The following SYNPO2 variants were observed in gnomAD, a reference collection of about 807,000 sequenced individuals.
SYNPO2 encodes the protein synaptopodin-2.
Under a neutral mutation model 85.0 loss-of-function variants are expected in SYNPO2, and 56 were observed. That is an observed-to-expected ratio of 0.66 (90% CI 0.53 to 0.82). SYNPO2 has a LOEUF of 0.82. Ranked by LOEUF, SYNPO2 falls within the 40% of genes least tolerant of loss-of-function variation. SYNPO2 has a pLI of 0.00. For synonymous variants in SYNPO2, 602 were observed against 591.1 expected, an observed-to-expected ratio of 1.02 and a Z score of -0.27; for missense variants, 1,575 against 1,534.2, an observed-to-expected ratio of 1.03 and a Z score of -0.44.
chr4:118,949,489 C>T (rs1222346073), intron 1 of SYNPO2, among the ~76,000 whole-genome samples: 1 of 151,942 alleles, frequency 6.6e-6, no homozygotes, highest in Non-Finnish European at 1.5e-5. Context: ...CTCCTATAAT[C>T]CCAGCAATTT....
intron 1 of SYNPO2, among the ~76,000 whole-genome samples, chr4:118,872,406 C>CA (rs1318797116): frequency 2.6e-5 from 4 of 151,816 alleles, no homozygotes; most frequent in African/African-American, 7.3e-5. Flanking sequence ...CCTATGACAA[C>CA]AAAAAAAGTA....
intron 1 of SYNPO2, among the ~76,000 whole-genome samples, chr4:118,978,837 C>T (rs1369664110): frequency 6.7e-6 from 1 of 149,174 alleles, no homozygotes; most frequent in Non-Finnish European, 1.5e-5. Flanking sequence ...ACACACTTAG[C>T]CCATTTGTTG....
intron 1 of SYNPO2, among the ~76,000 whole-genome samples, chr4:118,925,040 T>C (rs1733666733): frequency 6.6e-6 from 1 of 152,176 alleles, no homozygotes; most frequent in Non-Finnish European, 1.5e-5. Context: ...CTTGTTTTCC[T>C]TGCATGGGAT....
chr4:118,870,071 A>C (rs1731776013), intron 1 of SYNPO2, among the ~76,000 whole-genome samples: 3 of 152,232 alleles, frequency 2.0e-5, no homozygotes, highest in Non-Finnish European at 4.4e-5. Flanking sequence ...AGCCTGCTAC[A>C]GAGTTGGGAG....
chr4:118,956,483 T>G (rs1328070213), intron 1 of SYNPO2, among the ~76,000 whole-genome samples: 1 of 152,246 alleles, frequency 6.6e-6, no homozygotes. Flanking sequence ...TAGACTTAAC[T>G]TTTTTAACTG....
intron 1 of SYNPO2, among the ~76,000 whole-genome samples, chr4:118,864,227 A>G (rs1474142467): frequency 6.6e-6 from 1 of 152,130 alleles, no homozygotes; most frequent in Non-Finnish European, 1.5e-5. Context: ...ATTTTTCAGG[A>G]GAGCATTGTT....
intron 1 of SYNPO2, among the ~76,000 whole-genome samples, chr4:118,870,973 G>A (rs1343224388): frequency 2.0e-5 from 3 of 152,142 alleles, no homozygotes; most frequent in Admixed American, 6.5e-5. Flanking sequence ...GAATATCAAG[G>A]TTCAGAAAGA....
intron 1 of SYNPO2, among the ~76,000 whole-genome samples, chr4:118,995,077 A>G (rs1425861138): frequency 6.6e-6 from 1 of 152,192 alleles, no homozygotes; most frequent in Non-Finnish European, 1.5e-5. Flanking sequence ...AGCAAGGTAC[A>G]TATATTTTAC....
At chr4:118,869,680 T>C (rs1731767179) in intron 1 of SYNPO2, among the ~76,000 whole-genome samples, 1 of 152,184 alleles carries the variant, frequency 6.6e-6, no homozygotes, top group African/African-American at 2.4e-5. Flanking sequence ...AGCAATTTCA[T>C]TAAGCCTGGA....
intron 3 of SYNPO2, among the ~76,000 whole-genome samples, chr4:119,028,717 T>C (rs7669086): frequency 0.36 from 54,580 of 151,884 alleles, 9,992 homozygotes; most frequent in Non-Finnish European, 0.4. Flanking sequence ...TTAAAAAAAA[T>C]TAACCATTAA....
intron 1 of SYNPO2, among the ~76,000 whole-genome samples, chr4:118,981,413 G>C (rs1736003307): frequency 2.0e-5 from 3 of 152,130 alleles, no homozygotes; most frequent in African/African-American, 7.2e-5. Context: ...CCCCCACAGA[G>C]CTTCATCATA....
At chr4:119,055,617 G>T (rs1051618116) in intron 4 of SYNPO2, among the ~76,000 whole-genome samples, 1 of 152,198 alleles carries the variant, frequency 6.6e-6, no homozygotes, top group Non-Finnish European at 1.5e-5. Flanking sequence ...TATGTTAAAT[G>T]AGTCTATGAA....
rs990047904 is a variant in SYNPO2 at position 118,946,918 on chromosome 4, T to C, written c.105+57777T>C. On this transcript the variant is annotated intron_variant, in intron 1 of 4. Coordinates refer to ENST00000307142, the MANE Select transcript of SYNPO2 (RefSeq NM_133477.3). ...AGAAATATATTTAGGCTTGGACTTTTGGGTCAAGCCCTTTGAATCGACAAG... is the reference window on the plus strand; with the variant it reads ...AGAAATATATTTAGGCTTGGACTTTCGGGTCAAGCCCTTTGAATCGACAAG... Among the ~76,000 whole-genome samples, 4 of 152,236 alleles carry C rather than the reference T, an allele frequency of 2.6e-5. No homozygotes were observed. The East Asian group carries it at 7.7e-4, about 29-fold the overall frequency.
At chr4:118,941,782 CCACTATGCAGACCA>C (rs1207251620) in intron 1 of SYNPO2, among the ~76,000 whole-genome samples, 3 of 152,144 alleles carry the variant, frequency 2.0e-5, no homozygotes, top group Non-Finnish European at 4.4e-5. Flanking sequence ...GGAGGCAGCC[CCACTATGCAGACCA>C]CACGGGGAAA....
intron 4 of SYNPO2, chr4:119,032,344 C>T (rs1481301708): frequency 7.9e-7 from 1 of 1,260,696 alleles, no homozygotes; most frequent in African/African-American, 1.5e-5. Flanking sequence ...GTGCTGTAGC[C>T]ACAAGAAAGA....
intron 1 of SYNPO2, among the ~76,000 whole-genome samples, chr4:119,004,363 C>T (rs1736938015): frequency 6.6e-6 from 1 of 151,024 alleles, no homozygotes; most frequent in Non-Finnish European, 1.5e-5. Context: ...TCTCCTAATG[C>T]TATCCCTACC....
At chr4:119,015,757 A>G (rs899231799) in intron 1 of SYNPO2, among the ~76,000 whole-genome samples, 2 of 152,176 alleles carry the variant, frequency 1.3e-5, no homozygotes, top group East Asian at 3.8e-4. Flanking sequence ...ATTATTATTA[A>G]TGCCCATTAT....
chr4:118,975,182 G>C (rs1448268526), intron 1 of SYNPO2, among the ~76,000 whole-genome samples: 1 of 152,140 alleles, frequency 6.6e-6, no homozygotes, highest in East Asian at 1.9e-4. Context: ...CTTATCTTAT[G>C]GGCCACATAT....
chr4:118,877,454 CTA>C (rs1302688413), intron 1 of SYNPO2, among the ~76,000 whole-genome samples: 2 of 152,106 alleles, frequency 1.3e-5, no homozygotes, highest in East Asian at 1.9e-4. Flanking sequence ...TATTTGCAAA[CTA>C]TGCATCTGAC....
Sources: gnomAD v4.1 joint callset for allele counts (sites outside exome capture counted in the v4.1 genomes callset) on GRCh38, gnomAD v4.1.1 for gene constraint, MANE v1.5 for transcripts, NCBI Gene and HGNC (gene_info 2026-07-23, HGNC 2026-07-21) for gene names.